Variants in STS observed in about 807,000 individuals in gnomAD.
The protein encoded by STS is steroid sulfatase, also known as steryl-sulfatase.
In STS, 7 loss-of-function variants were observed where a neutral mutation model predicts 26.8. That is an observed-to-expected ratio of 0.26 (90% CI 0.15 to 0.49). The LOEUF is 0.49. Among genes scored for constraint, STS ranks in the 20% least tolerant of loss-of-function variants. The probability of loss-of-function intolerance (pLI) is 0.98; values close to 1 mark genes in which losing one functional copy is unlikely to be tolerated. For missense variants in STS, 434 were observed against 465.6 expected, an observed-to-expected ratio of 0.93 and a Z score of 0.63; for synonymous variants, 199 against 189.4, an observed-to-expected ratio of 1.05 and a Z score of -0.42.
At position 7,206,811 on chromosome X, in the gene STS, A is replaced by G. The variant is rs916482190; in HGVS notation, c.-5+15803A>G. On this transcript the variant is annotated intron_variant, in intron 2 of 10. Coordinates refer to ENST00000674429, the MANE Select transcript of STS (RefSeq NM_001320752.2). The stretch of plus-strand genomic sequence containing the variant: ...TTATTAGATACATCATCTCGATCCA[A>G]TGGTCATCAGAGGGAAAAAACAGTT... Among the ~76,000 whole-genome samples, 8 of 112,486 alleles carry G rather than the reference A, an allele frequency of 7.1e-5. No homozygotes were observed. The East Asian group carries it at 2.0e-3, about 28-fold the overall frequency.
At chrX:7,263,390 T>C (rs771278251) in intron 6 of STS, among the ~76,000 whole-genome samples, 2 of 113,012 alleles carry the variant, frequency 1.8e-5, no homozygotes, top group African/African-American at 3.2e-5. Context: ...TTTTATACTG[T>C]ATTTTTTCCT....
chrX:7,349,978 T>C lies in STS; in HGVS notation c.1454T>C (p.Phe485Ser), dbSNP rs1569234998. 3 of 1,211,721 alleles carry C rather than the reference T, an allele frequency of 2.5e-6. No individual in the cohort carries two copies. Among genetic ancestry groups the C allele is most frequent in the Non-Finnish European group, 3.4e-6 (3 of 895,441 alleles). The change falls in exon 11 of 11, where the codon TTC (phenylalanine) becomes TCC (serine). Residue 485 changes from phenylalanine (F) to serine (S), a missense_variant. Phe to Ser is a radical substitution (Grantham distance 155). Transcript: ENST00000674429. ...GCFATHVCFC[F>S]GSYVTHHDPP... Reference sequence around the variant, plus strand: ...TTTGCCACACACGTGTGCTTCTGTTTCGGGAGTTATGTCACCCATCACGAC... The same window carrying C: ...TTTGCCACACACGTGTGCTTCTGTTCCGGGAGTTATGTCACCCATCACGAC...
At chrX:7,342,709 G>A (rs1928350037) in intron 10 of STS, among the ~76,000 whole-genome samples, 1 of 112,543 alleles carries the variant, frequency 8.9e-6, no homozygotes, top group South Asian at 3.7e-4. Flanking sequence ...TTGTGCTATG[G>A]TAAACAGATG....
chrX:7,209,757 C>T (rs1215152539), intron 2 of STS, among the ~76,000 whole-genome samples: 1 of 109,105 alleles, frequency 9.2e-6, no homozygotes, highest in Admixed American at 1.0e-4. Flanking sequence ...ATTGACCCAT[C>T]CTCTAAGTTT....
At chrX:7,251,999 C>A (rs1923163080) in intron 2 of STS, among the ~76,000 whole-genome samples, 1 of 110,583 alleles carries the variant, frequency 9.0e-6, no homozygotes, top group Non-Finnish European at 1.9e-5. Flanking sequence ...CTTAATAGAA[C>A]AAAGAAATTG....
At chrX:7,320,164 A>G (rs1456285118) in intron 8 of STS, among the ~76,000 whole-genome samples, 2 of 98,735 alleles carry the variant, frequency 2.0e-5, no homozygotes, top group Non-Finnish European at 4.0e-5. Context: ...TTTTTATTAT[A>G]TATATTTTAT....
At chrX:7,337,478 A>G (rs1928089103) in intron 10 of STS, among the ~76,000 whole-genome samples, 2 of 112,480 alleles carry the variant, frequency 1.8e-5, no homozygotes, top group Non-Finnish European at 3.8e-5. Context: ...GTGTGACTGC[A>G]TAGGTCATCT....
intron 2 of STS, among the ~76,000 whole-genome samples, chrX:7,226,527 T>TC (rs1303875479): frequency 2.7e-5 from 3 of 111,661 alleles, no homozygotes; most frequent in Non-Finnish European, 5.6e-5. Context: ...ACATGTATAT[T>TC]CAATTGTATA....
At chrX:7,167,179 T>TAA (rs1417560950) in intron 1 of STS, among the ~76,000 whole-genome samples, 20 of 111,153 alleles carry the variant, frequency 1.8e-4, no homozygotes, top group African/African-American at 5.6e-4. Flanking sequence ...GGGTCCTCTT[T>TAA]CAAGCTCAAT....
At chrX:7,349,764 C>T in intron 10 of STS, 124 bp from the exon 11 acceptor site, 1 of 972,891 alleles carries the variant, frequency 1.0e-6, no homozygotes, top group Non-Finnish European at 1.4e-6. Flanking sequence ...ATTGTGTCTG[C>T]AGCCTTATGA....
chrX:7,312,325 C>T (rs190072728), intron 8 of STS, among the ~76,000 whole-genome samples: 19 of 112,012 alleles, frequency 1.7e-4, no homozygotes, highest in East Asian at 2.8e-4. Flanking sequence ...TCTAATTGCT[C>T]GCATCTCTGA....
intron 1 of STS, among the ~76,000 whole-genome samples, chrX:7,148,648 G>A (rs1185783054): frequency 7.1e-5 from 8 of 112,331 alleles, no homozygotes; most frequent in African/African-American, 2.6e-4. Flanking sequence ...CTGGACCGTG[G>A]GTGGGTTTTT....
intron 8 of STS, among the ~76,000 whole-genome samples, chrX:7,324,827 T>G (rs1278135893): frequency 8.9e-6 from 1 of 111,884 alleles, no homozygotes; most frequent in Non-Finnish European, 1.9e-5. Flanking sequence ...ACCCTATGAT[T>G]ATATTAGATC....
At chrX:7,225,797 A>G (rs1208438712) in intron 2 of STS, among the ~76,000 whole-genome samples, 1 of 111,744 alleles carries the variant, frequency 8.9e-6, no homozygotes, top group Non-Finnish European at 1.9e-5. Flanking sequence ...CAGGTCCTCT[A>G]TGTTAACTTC....
intron 6 of STS, among the ~76,000 whole-genome samples, chrX:7,265,249 A>G (rs1923951933): frequency 9.0e-6 from 1 of 111,479 alleles, no homozygotes; most frequent in South Asian, 3.8e-4. Context: ...AAAGCTGGAC[A>G]TCCTTATATC....
At chrX:7,306,564 G>T (rs980248047) in intron 8 of STS, among the ~76,000 whole-genome samples, 2 of 112,078 alleles carry the variant, frequency 1.8e-5, no homozygotes, top group African/African-American at 6.5e-5. Context: ...AGGAAGTCAT[G>T]TTGAACTGGT....
At chrX:7,227,097 G>C (rs371397853) in intron 2 of STS, among the ~76,000 whole-genome samples, 5 of 111,461 alleles carry the variant, frequency 4.5e-5, no homozygotes, top group African/African-American at 1.3e-4. Flanking sequence ...ATATCTTCTT[G>C]TATAAAGTGC....
chrX:7,303,095 G>T (rs1392928467), intron 7 of STS, among the ~76,000 whole-genome samples: 1 of 111,370 alleles, frequency 9.0e-6, no homozygotes, highest in Admixed American at 9.5e-5. Context: ...CCCACGTGTT[G>T]TGGGAGGGAC....
chrX:7,297,416 T>TG (rs1420784415), intron 7 of STS, among the ~76,000 whole-genome samples: 1 of 111,439 alleles, frequency 9.0e-6, no homozygotes, highest in Non-Finnish European at 1.9e-5. Flanking sequence ...TACAAGGTCT[T>TG]GTGTGTTAGT....
Sources: gnomAD v4.1 joint callset for allele counts (sites outside exome capture counted in the v4.1 genomes callset) on GRCh38, gnomAD v4.1.1 for gene constraint, MANE v1.5 for transcripts, NCBI Gene and HGNC (gene_info 2026-07-23, HGNC 2026-07-21) for gene names.